Variants in NELL2 observed in about 807,000 individuals in gnomAD.
NELL2 encodes neural EGFL like 2, also known as protein kinase C-binding protein NELL2.
In NELL2, 41 loss-of-function variants were observed where a neutral mutation model predicts 109.6. The ratio of observed to expected loss-of-function variants is 0.37; its 90% CI spans 0.29 to 0.49. The LOEUF is 0.49. NELL2 is among the 20% of genes least tolerant of loss of function. The pLI, the probability that NELL2 is intolerant of heterozygous loss-of-function variation, is 0.98. For missense variants in NELL2, 900 were observed against 1,008.3 expected (o/e 0.89, Z 1.45); for synonymous variants, 355 against 344.7 (o/e 1.03, Z -0.33).
chr12:44,793,531 C>A (rs576672653), intron 3 of NELL2, among the ~76,000 whole-genome samples: 2 of 152,250 alleles, frequency 1.3e-5, no homozygotes, highest in East Asian at 3.9e-4. Context: ...GTATTGAATT[C>A]CTAAACCTAA....
At chr12:44,882,834 CTTTT>C (rs35577007) in intron 1 of NELL2, among the ~76,000 whole-genome samples, 3 of 73,304 alleles carry the variant, frequency 4.1e-5, no homozygotes, top group South Asian at 1.4e-3. Flanking sequence ...GGCTATATAC[CTTTT>C]TTTTTTTTTT....
intron 19 of NELL2, among the ~76,000 whole-genome samples, chr12:44,513,590 A>T (rs1941100481): frequency 6.6e-6 from 1 of 151,966 alleles, no homozygotes; most frequent in African/African-American, 2.4e-5. Context: ...ACTAAAAATT[A>T]AGTGGAAATT....
At chr12:44,761,922 G>A (rs1941142749) in intron 9 of NELL2, among the ~76,000 whole-genome samples, 1 of 152,052 alleles carries the variant, frequency 6.6e-6, no homozygotes, top group African/African-American at 2.4e-5. Context: ...ATTACCTACT[G>A]GGTATCATGT....
chr12:44,624,760 C>T (rs139336243), intron 13 of NELL2, among the ~76,000 whole-genome samples: 60 of 150,732 alleles, frequency 4.0e-4, no homozygotes, highest in African/African-American at 1.3e-3. Flanking sequence ...ATCAAGTTGA[C>T]GGTGACTCAC....
At chr12:44,865,156 C>T (rs1397997682) in intron 2 of NELL2, among the ~76,000 whole-genome samples, 1 of 117,084 alleles carries the variant, frequency 8.5e-6, no homozygotes, top group Non-Finnish European at 1.8e-5. Flanking sequence ...TTTTTGGCTG[C>T]ATAAATGTCT....
rs368334753 is a variant in NELL2 at position 44,523,298 on chromosome 12, G to A, written c.1991C>T (p.Ser664Leu). 9.9e-6 allele frequency: 16 copies of A among 1,614,096 alleles called. No individual in the cohort carries two copies. The highest frequency in any genetic ancestry group is 1.4e-5 in the Non-Finnish European group (16 of 1,179,984). ...TTTTTCATTTATACCAACCTGACAT[G>A]AGCACACAGAGCACCTGTCATTTTC... ...VLENDRCSVC[S>L]CQNGFVMCRR... Residue 664 changes from serine to leucine, a missense_variant, in exon 17 of 20, where the codon TCA (serine) becomes TTA (leucine). Around this residue, in one of 4 missense-constraint regions of NELL2, gnomAD observed 333 missense variants for 432.3 expected, o/e 0.77. Transcript: ENST00000429094.
chr12:44,580,716 G>C (rs1306693825), intron 15 of NELL2, among the ~76,000 whole-genome samples: 1 of 152,016 alleles, frequency 6.6e-6, no homozygotes, highest in East Asian at 1.9e-4. Flanking sequence ...CTGTCTCAAA[G>C]AAACAAACAA....
intron 3 of NELL2, among the ~76,000 whole-genome samples, chr12:44,784,833 C>T (rs139775968): frequency 0.13 from 19,708 of 152,134 alleles, 1,395 homozygotes; most frequent in South Asian, 0.2. Flanking sequence ...ATTCAACACC[C>T]CTTCATGCTA....
chr12:44,811,433 A>G (rs559294062), intron 3 of NELL2, among the ~76,000 whole-genome samples: 61 of 152,200 alleles, frequency 4.0e-4, no homozygotes, highest in African/African-American at 1.4e-3. Flanking sequence ...TGATGTAGGA[A>G]GAAATTAATG....
At chr12:44,650,298 AATT>A (rs1437487769) in intron 13 of NELL2, among the ~76,000 whole-genome samples, 1 of 99,824 alleles carries the variant, frequency 1.0e-5, no homozygotes, top group Non-Finnish European at 1.9e-5. Context: ...TCCACCCCCC[AATT>A]TTTTTTTTTT....
intron 14 of NELL2, among the ~76,000 whole-genome samples, chr12:44,607,995 C>T (rs111391363): frequency 3.9e-5 from 6 of 151,980 alleles, no homozygotes; most frequent in East Asian, 1.9e-4. Context: ...GTGCTGTCTT[C>T]GAAGAAGTGC....
chr12:44,738,896 A>G (rs1005337258), intron 9 of NELL2, among the ~76,000 whole-genome samples: 2 of 152,174 alleles, frequency 1.3e-5, no homozygotes, highest in Admixed American at 6.5e-5. Flanking sequence ...GTATACATGT[A>G]TCTATATTTT....
intron 9 of NELL2, among the ~76,000 whole-genome samples, chr12:44,735,114 G>T (rs1939571271): frequency 6.6e-6 from 1 of 151,996 alleles, no homozygotes; most frequent in Non-Finnish European, 1.5e-5. Flanking sequence ...ACTTTACCGT[G>T]TCTAGATCTC....
At chr12:44,821,727 T>A (rs1380985712) in intron 2 of NELL2, among the ~76,000 whole-genome samples, 2 of 151,752 alleles carry the variant, frequency 1.3e-5, no homozygotes, top group Admixed American at 1.3e-4. Flanking sequence ...AGAATTAATT[T>A]TTTTTTTTTA....
intron 2 of NELL2, among the ~76,000 whole-genome samples, chr12:44,819,404 C>T (rs1350415595): frequency 6.6e-6 from 1 of 152,198 alleles, no homozygotes; most frequent in Non-Finnish European, 1.5e-5. Flanking sequence ...CCCTAAACTA[C>T]CTTTCCCAAA....
intron 15 of NELL2, among the ~76,000 whole-genome samples, chr12:44,565,653 C>T (rs1303477690): frequency 1.3e-5 from 2 of 152,120 alleles, no homozygotes; most frequent in African/African-American, 4.8e-5. Context: ...GTTCCAATGT[C>T]TGCCTTGACG....
At chr12:44,881,134 T>TA (rs1945407223), upstream of NELL2, among the ~76,000 whole-genome samples, 1 of 152,064 alleles carries the variant, frequency 6.6e-6, no homozygotes, top group African/African-American at 2.4e-5. Flanking sequence ...ATCGCCTGCT[T>TA]AAATTTCTAA....
At chr12:44,522,231 GCA>G (rs753824569) in intron 17 of NELL2, 55 bp from the exon 18 acceptor site, 932 of 1,409,528 alleles carry the variant, frequency 6.6e-4, no homozygotes, top group South Asian at 1.0e-3. Flanking sequence ...TCAGTAACAC[GCA>G]CACACACACA....
chr12:44,619,226 G>T (rs1945950449), intron 13 of NELL2, among the ~76,000 whole-genome samples: 1 of 152,028 alleles, frequency 6.6e-6, no homozygotes, highest in Non-Finnish European at 1.5e-5. Flanking sequence ...AAAAGCATGG[G>T]GTATAAAAAG....
Sources: allele counts gnomAD v4.1 joint callset (sites outside exome capture counted in the v4.1 genomes callset), GRCh38; gene constraint gnomAD v4.1.1; regional missense constraint gnomAD v4.1.1; transcripts MANE v1.5; gene names NCBI Gene and HGNC (gene_info 2026-07-23, HGNC 2026-07-21).